The following RBFOX1 variants were observed in gnomAD, a reference collection of about 807,000 sequenced individuals.
RBFOX1 encodes the protein RNA binding fox-1 homolog 1.
A neutral mutation model predicts 57.7 loss-of-function variants in RBFOX1; 8 were observed. The observed-to-expected ratio is 0.14, with a 90% CI of 0.08 to 0.25. RBFOX1 has a LOEUF of 0.25. RBFOX1 is among the 10% of genes least tolerant of loss of function. RBFOX1 has a pLI of 1.00. For missense variants in RBFOX1, 611 were observed against 548.5 expected, an observed-to-expected ratio of 1.11 and a Z score of -1.14; for synonymous variants, 326 against 222.4, an observed-to-expected ratio of 1.47 and a Z score of -4.15.
intron 2 of RBFOX1, among the ~76,000 whole-genome samples, chr16:6,539,766 C>G (rs991666937): frequency 7.2e-6 from 1 of 138,858 alleles, no homozygotes; most frequent in South Asian, 2.4e-4. Flanking sequence ...CCACTGCACT[C>G]CAGCCTAGGC....
chr16:5,789,727 T>C (rs1933244926), intron 3 of RBFOX1, among the ~76,000 whole-genome samples: 2 of 152,176 alleles, frequency 1.3e-5, no homozygotes, highest in South Asian at 4.1e-4. Context: ...AAATGTTAAA[T>C]AATCTGCCAT....
intron 3 of RBFOX1, among the ~76,000 whole-genome samples, chr16:5,856,200 T>TACAC (rs1248174873): frequency 2.6e-4 from 12 of 45,334 alleles, no homozygotes; most frequent in African/African-American, 7.8e-4. Flanking sequence ...TATATATATA[T>TACAC]ATATATACAT....
intron 3 of RBFOX1, among the ~76,000 whole-genome samples, chr16:5,718,352 C>G (rs541387308): frequency 2.0e-5 from 3 of 152,304 alleles, no homozygotes; most frequent in South Asian, 4.2e-4. Context: ...CCTAAGTCAT[C>G]CAATCTCCAC....
intron 3 of RBFOX1, among the ~76,000 whole-genome samples, chr16:5,693,573 C>T (rs1004601195): frequency 2.0e-5 from 3 of 152,000 alleles, no homozygotes; most frequent in South Asian, 2.1e-4. Context: ...GCAGGTCAGG[C>T]CCTTCTTTCA....
At chr16:7,689,166 A>C (rs1369779801) in intron 14 of RBFOX1, among the ~76,000 whole-genome samples, 3 of 152,168 alleles carry the variant, frequency 2.0e-5, no homozygotes, top group African/African-American at 7.2e-5. Context: ...GTGCCCCATC[A>C]GTGTTAGATA....
At chr16:5,757,556 C>G (rs1597125448) in intron 3 of RBFOX1, among the ~76,000 whole-genome samples, 2 of 152,094 alleles carry the variant, frequency 1.3e-5, no homozygotes, top group Admixed American at 6.6e-5. Flanking sequence ...ATAGGCCAGC[C>G]TAGAAGAACA....
At chr16:7,089,793 C>G (rs1318839895) in intron 4 of RBFOX1, among the ~76,000 whole-genome samples, 1 of 152,138 alleles carries the variant, frequency 6.6e-6, no homozygotes, top group Non-Finnish European at 1.5e-5. Context: ...CAGACCAATG[C>G]ATTTTAGGGC....
chr16:6,462,207 C>A (rs930836827), intron 2 of RBFOX1, among the ~76,000 whole-genome samples: 2 of 152,126 alleles, frequency 1.3e-5, no homozygotes, highest in African/African-American at 4.8e-5. Flanking sequence ...GTGGCCTCCT[C>A]CCCATCTACC....
At position 7,553,118 on chromosome 16, in the gene RBFOX1, T is replaced by A. The variant is rs559521596; in HGVS notation, c.271-26659T>A. 1.4e-4 allele frequency among the ~76,000 whole-genome samples: 21 copies of A among 152,228 alleles called. No homozygotes were observed. The South Asian group carries it at 4.1e-3, about 30-fold the overall frequency. ...TTTTTTCCCCTTCCTTTTTAAAAAA[T>A]TTTCCAGTTTCCACATTTTAAAATT... On this transcript the variant is annotated intron_variant, in intron 5 of 15. Coordinates refer to ENST00000550418, the MANE Select transcript of RBFOX1 (RefSeq NM_018723.4).
chr16:5,811,158 T>TTC (rs1450373142), intron 3 of RBFOX1, among the ~76,000 whole-genome samples: 1 of 146,128 alleles, frequency 6.8e-6, no homozygotes, highest in Non-Finnish European at 1.5e-5. Flanking sequence ...TTTTTTTTTT[T>TTC]TTTTTTTTGA....
At chr16:5,985,366 A>C (rs2152314328) in intron 4 of RBFOX1, among the ~76,000 whole-genome samples, 1 of 152,162 alleles carries the variant, frequency 6.6e-6, no homozygotes, top group East Asian at 1.9e-4. Context: ...TCTGCAGTTC[A>C]GGACTGTATT....
intron 1 of RBFOX1, among the ~76,000 whole-genome samples, chr16:5,265,637 GT>G (rs540031591): frequency 1.3e-5 from 2 of 152,084 alleles, no homozygotes; most frequent in South Asian, 4.2e-4. Context: ...AGAAGTGTTT[GT>G]TTTTTTTAGA....
chr16:5,719,150 C>A (rs2051832921), intron 3 of RBFOX1, among the ~76,000 whole-genome samples: 1 of 151,282 alleles, frequency 6.6e-6, no homozygotes, highest in Admixed American at 6.6e-5. Flanking sequence ...ACCCAATAGG[C>A]TTAGCGTATC....
At chr16:5,719,346 C>T (rs1334488049) in intron 3 of RBFOX1, among the ~76,000 whole-genome samples, 2 of 151,072 alleles carry the variant, frequency 1.3e-5, no homozygotes, top group East Asian at 3.9e-4. Flanking sequence ...GGACTACAGG[C>T]ACCTGCCACC....
At chr16:7,171,395 C>T (rs2080672668) in intron 4 of RBFOX1, among the ~76,000 whole-genome samples, 1 of 152,138 alleles carries the variant, frequency 6.6e-6, no homozygotes, top group Non-Finnish European at 1.5e-5. Flanking sequence ...GAATTCCTGC[C>T]ACCGCTAATG....
At chr16:6,006,289 T>A (rs1401144229) in intron 4 of RBFOX1, among the ~76,000 whole-genome samples, 3 of 151,708 alleles carry the variant, frequency 2.0e-5, no homozygotes, top group Non-Finnish European at 4.4e-5. Context: ...ATCCACCAAG[T>A]CACAGTGATG....
At chr16:5,377,534 C>G (rs11639551) in intron 1 of RBFOX1, among the ~76,000 whole-genome samples, 32,351 of 136,510 alleles carry the variant, frequency 0.24, 4,219 homozygotes, top group African/African-American at 0.34. Flanking sequence ...GGAAGAAGGA[C>G]GGAGGTGAGG....
intron 4 of RBFOX1, among the ~76,000 whole-genome samples, chr16:7,238,747 A>G (rs2093906357): frequency 6.6e-6 from 1 of 152,118 alleles, no homozygotes; most frequent in South Asian, 2.1e-4. Flanking sequence ...CCCAGGTGTT[A>G]AACCTAGTAC....
chr16:7,322,675 A>T (rs1352510855), intron 4 of RBFOX1, among the ~76,000 whole-genome samples: 2 of 152,172 alleles, frequency 1.3e-5, no homozygotes, highest in Admixed American at 6.5e-5. Context: ...AGAGTGGTTC[A>T]TGCCTCAAAA....
Sources: gnomAD v4.1 joint callset for allele counts (sites outside exome capture counted in the v4.1 genomes callset) on GRCh38, gnomAD v4.1.1 for gene constraint, MANE v1.5 for transcripts, NCBI Gene and HGNC (gene_info 2026-07-23, HGNC 2026-07-21) for gene names.